RABGGTA: variants seen among roughly 807,000 people sequenced by gnomAD.
The protein encoded by RABGGTA is geranylgeranyl transferase type-2 subunit alpha.
RABGGTA carries 69 observed loss-of-function variants against 83.3 expected under a neutral mutation model. That is an observed-to-expected ratio of 0.83 (90% confidence interval 0.68 to 1.01). The LOEUF (loss-of-function observed/expected upper bound fraction) is 1.01, where lower values mean the gene tolerates loss of function less well. Ranked by LOEUF, RABGGTA falls within the 50% of genes least tolerant of loss-of-function variation. The probability of loss-of-function intolerance (pLI) is 0.00; values close to 1 mark genes in which losing one functional copy is unlikely to be tolerated. For missense variants in RABGGTA, 681 were observed against 712.7 expected (o/e 0.96, Z 0.51); for synonymous variants, 310 against 299.8 (o/e 1.03, Z -0.35).
rs1381175967 is a variant in RABGGTA at position 24,268,794 on chromosome 14, C to T, written c.831G>A (p.Met277Ile). The change falls in exon 9 of 17, where the codon ATG becomes ATA. Residue 277 changes from methionine to isoleucine, a missense_variant. By Grantham distance (10) the Met-to-Ile change is conservative. Transcript: ENST00000216840. The part of the protein sequence containing the change: ...VGSRMEILLL[M>I]VDDSPLIVEW... Reference sequence around the variant, plus strand: ...CCACAATCAGGGGAGAATCATCAACCATGAGCAGCAAGATCTCCATCCTGG... The same window carrying T: ...CCACAATCAGGGGAGAATCATCAACTATGAGCAGCAAGATCTCCATCCTGG... 3 of 1,573,746 alleles carry T rather than the reference C, an allele frequency of 1.9e-6. No homozygotes were observed. In the Admixed American group the frequency reaches 5.6e-5, roughly 30 times the overall value.
At chr14:24,266,579 TG>T in intron 15 of RABGGTA, 62 bp from the exon 16 acceptor site, 1 of 1,502,362 alleles carries the variant, frequency 6.7e-7, no homozygotes, top group Non-Finnish European at 9.3e-7. Context: ...GTTCAGCAAC[TG>T]AGGAGCTCAG....
rs1566384091 is a variant in RABGGTA, at chr14:24,265,605, G to A, written c.*10C>T. 6.2e-7 allele frequency: 1 copy of A among 1,612,926 alleles called. No individual in the cohort carries two copies. The highest frequency in any genetic ancestry group is 1.1e-5 in the South Asian group (1 of 90,992). On this transcript the variant is annotated 3_prime_UTR_variant, in exon 17 of 17. Transcript: ENST00000216840. ...ATAAGTTAAAGGGCAAGGGTAGGGG[G>A]CAGGGCCTCTTAGGTGAGGACGCTG...
chr14:24,267,827 C>T (rs768778011), intron 13 of RABGGTA, 43 bp downstream of exon 13: 1 of 1,611,232 alleles, frequency 6.2e-7, no homozygotes, highest in Non-Finnish European at 8.5e-7. Flanking sequence ...CTGCCTCCTG[C>T]CTGCTGGGCC....
chr14:24,268,954 C>T lies in RABGGTA; in HGVS notation c.755G>A (p.Arg252Gln), dbSNP rs567466887. Residue 252 changes from arginine (R) to glutamine (Q), a missense_variant, in exon 8 of 17, where the codon CGG becomes CAG. This residue lies in a region of RABGGTA where 421 missense variants were observed against 418.5 expected (regional missense o/e 1.01). Transcript: ENST00000216840. Reference sequence around the variant, plus strand: ...GGAGACAGTCAGACAGGCCTCGTCCCGGCTCACATGCAGGCAGCGCAGTGC... The same window carrying T: ...GGAGACAGTCAGACAGGCCTCGTCCTGGCTCACATGCAGGCAGCGCAGTGC... The part of the protein sequence containing the change: ...QDALRCLHVS[R>Q]DEACLTVSFS... 59 of 1,588,148 alleles carry T rather than the reference C, an allele frequency of 3.7e-5. No homozygotes were observed. Among genetic ancestry groups the T allele is most frequent in the South Asian group, 5.7e-5 (5 of 86,982 alleles).
rs1323198520 is a variant in RABGGTA, at chr14:24,267,918, G to A, written c.1188C>T (p.Asp396=). The change falls in exon 13 of 17, where the codon GAC becomes GAT. Residue 396 remains aspartate, a synonymous_variant. Coordinates refer to ENST00000216840, the MANE Select transcript of RABGGTA (RefSeq NM_182836.3). ...GGGTCTCCTTCTCATACAGCAGGGG[G>A]TCCAGTGCCCGCATCAGCAGGATGA... is the stretch of plus-strand genomic sequence containing the variant. The part of the protein sequence containing the change: ...LTIILLMRAL[D]PLLYEKETLQ... The A allele has an allele frequency of 1.2e-6, 2 of 1,613,844 alleles. No individual in the cohort carries two copies. Among genetic ancestry groups the A allele is most frequent in the Non-Finnish European group, 1.7e-6 (2 of 1,179,870 alleles).
chr14:24,266,294 C>A (rs186239364), intron 16 of RABGGTA, 136 bp downstream of exon 16: 1 of 772,896 alleles, frequency 1.3e-6, no homozygotes. Context: ...AGGCTCTCCC[C>A]CTTCAACTCA....
chr14:24,266,606 G>A, intron 15 of RABGGTA, 89 bp from the exon 16 acceptor site: 1 of 1,344,112 alleles, frequency 7.4e-7, no homozygotes, highest in East Asian at 2.3e-5. Context: ...CGGGTCCACA[G>A]AGCACAGAGG....
intron 12 of RABGGTA, 66 bp downstream of exon 12, chr14:24,268,044 G>A (rs2040896240): frequency 1.2e-6 from 2 of 1,603,458 alleles, no homozygotes; most frequent in Non-Finnish European, 1.7e-6. Context: ...GTCCTCTCAG[G>A]GCCACACTGG....
chr14:24,268,987 G>A lies in RABGGTA; in HGVS notation c.722C>T (p.Pro241Leu), dbSNP rs146912258. ...YHRWLLGRAD[P>L]QDALRCLHVS... ...ATGCAGGCAGCGCAGTGCATCCTGG[G>A]GGTCAGCTGCGGGGAGACAGTGTCA... Residue 241 changes from proline to leucine, a missense_variant, in exon 8 of 17, where the codon CCC becomes CTC. Physicochemically the swap from Pro to Leu is moderately conservative, Grantham distance 98 (BLOSUM62 -3). Around this residue, in one of 5 missense-constraint regions of RABGGTA, gnomAD observed 421 missense variants for 418.5 expected, o/e 1.01. Coordinates refer to ENST00000216840, the MANE Select transcript of RABGGTA (RefSeq NM_182836.3). The A allele has an allele frequency of 4.4e-5, 69 of 1,584,968 alleles. No homozygotes were observed. The African/African-American group carries it at 9.1e-4, about 21-fold the overall frequency.
At chr14:24,269,369 T>C (rs2040915308) in intron 6 of RABGGTA, 122 bp downstream of exon 6, 1 of 1,251,892 alleles carries the variant, frequency 8.0e-7, no homozygotes, top group African/African-American at 1.5e-5. Flanking sequence ...TAAGCACCCC[T>C]GGAGCCACGC....
chr14:24,270,060 T>C lies in RABGGTA; in HGVS notation c.320A>G (p.Tyr107Cys). 6.2e-7 allele frequency: 1 copy of C among 1,612,614 alleles called. No homozygotes were observed. The highest frequency in any genetic ancestry group is 8.5e-7 in the Non-Finnish European group (1 of 1,179,360). Residue 107 changes from tyrosine (Y) to cysteine (C), a missense_variant, in exon 5 of 17, where the codon TAT becomes TGT. Tyr to Cys is a radical substitution (Grantham distance 194). Coordinates refer to ENST00000216840, the MANE Select transcript of RABGGTA (RefSeq NM_182836.3). ...ESCLRVNPKSYGTWHHRCWLL... is the reference protein window; with the variant it reads ...ESCLRVNPKSCGTWHHRCWLL... ...CCAGCATCGGTGGTGCCAGGTACCA[T>C]AAGACTTGGGGTTCACCCGCAGGCA...
chr14:24,267,593 CAA>C, intron 14 of RABGGTA, 65 bp downstream of exon 14: 2 of 1,329,594 alleles, frequency 1.5e-6, no homozygotes, highest in Non-Finnish European at 2.1e-6. Flanking sequence ...AGACTGGGGG[CAA>C]AGTCAGGGAC....
chr14:24,270,995 T>A, intron 2 of RABGGTA, 48 bp from the exon 3 acceptor site: 1 of 1,605,550 alleles, frequency 6.2e-7, no homozygotes, highest in Non-Finnish European at 8.5e-7. Context: ...TTGCAGAAGC[T>A]GACCTGCAAA....
Position 24,271,120 on chromosome 14 carries a change from C to A in RABGGTA, c.-5G>T. 6.5e-7 allele frequency: 1 copy of A among 1,546,262 alleles called. No homozygotes were observed. Among genetic ancestry groups the A allele is most frequent in the Non-Finnish European group, 8.7e-7 (1 of 1,146,878 alleles). ...TGGGCTCAGGGTTCTCACCATGGTG[C>A]CGGCTCAGGGTTCAAGACAGGGGAA... On this transcript the variant is annotated 5_prime_UTR_variant, in exon 2 of 17. Transcript: ENST00000216840.
intron 3 of RABGGTA, 116 bp from the exon 4 acceptor site, chr14:24,270,574 A>G: frequency 7.3e-7 from 1 of 1,366,404 alleles, no homozygotes; most frequent in Non-Finnish European, 1.0e-6. Context: ...AACAGGTACT[A>G]TGAACCATGC....
Position 24,268,125 on chromosome 14 carries a change from C to CCAGCTCCTG in RABGGTA, c.1123_1131dup (p.Gln375_Leu377dup). 6.2e-7 allele frequency: 1 copy of CCAGCTCCTG among 1,613,936 alleles called. No individual in the cohort carries two copies. The highest frequency in any genetic ancestry group is 8.5e-7 in the Non-Finnish European group (1 of 1,179,860). On this transcript the variant is annotated inframe_insertion, in exon 12 of 17. Transcript: ENST00000216840. ...GGGGCCTCACATTTATTCTCAGGCT[C>CCAGCTCCTG]CAGCTCCTGCAGCTCCTTACAGGAT...
chr14:24,265,675 C>T lies in RABGGTA; in HGVS notation c.1644G>A (p.Ala548=), dbSNP rs574112706. 212 of 1,613,596 alleles carry T rather than the reference C, an allele frequency of 1.3e-4. No homozygotes were observed. The South Asian group carries it at 2.1e-3, about 16-fold the overall frequency. The change falls in exon 17 of 17, where the codon GCG becomes GCA. Residue 548 remains alanine, a synonymous_variant. Coordinates refer to ENST00000216840, the MANE Select transcript of RABGGTA (RefSeq NM_182836.3). The stretch of plus-strand genomic sequence containing the variant: ...CAGCCAGTTGCTCCAAGATGCCCAC[C>T]GCTTGGCACAGCGGGTTACCCTGCA... ...LNLQGNPLCQ[A]VGILEQLAEL... is the part of the protein sequence containing the mutation.
intron 16 of RABGGTA, 54 bp from the exon 17 acceptor site, chr14:24,265,817 C>G: frequency 3.3e-6 from 5 of 1,534,534 alleles, no homozygotes; most frequent in Non-Finnish European, 4.4e-6. Flanking sequence ...TTTATTTGCT[C>G]CTGTGTACCC....
In RABGGTA at chr14:24,268,776, CA is replaced by C; in HGVS notation, c.848del (p.Leu283ArgfsTer52). 1.3e-6 allele frequency: 2 copies of C among 1,579,528 alleles called. No individual in the cohort carries two copies. Among genetic ancestry groups the C allele is most frequent in the South Asian group, 2.3e-5 (2 of 86,634 alleles). ...CATCTGGGGTCCTCCACTCCACAAT[CA>C]GGGGAGAATCATCAACCATGAGCAG... ...ILLLMVDDSP[L>X]IVEWRTPDGR... is the part of the protein sequence containing the mutation. On this transcript the variant is annotated frameshift_variant, in exon 9 of 17. Transcript: ENST00000216840. LOFTEE classifies it high-confidence loss of function.
Sources: gnomAD v4.1 joint callset for allele counts on GRCh38, gnomAD v4.1.1 for gene constraint, gnomAD v4.1.1 regional missense constraint, MANE v1.5 for transcripts, NCBI Gene and HGNC (gene_info 2026-07-23, HGNC 2026-07-21) for gene names.